PCDH11X: variants seen among roughly 807,000 people sequenced by gnomAD.
PCDH11X encodes protocadherin 11 X-linked, also known as protocadherin-11 X-linked.
In PCDH11X, 18 loss-of-function variants were observed where a neutral mutation model predicts 53.3. That is an observed-to-expected ratio of 0.34 (90% CI 0.23 to 0.50). The LOEUF (loss-of-function observed/expected upper bound fraction) is 0.50. PCDH11X is among the 20% of genes least tolerant of loss of function. The pLI is 0.98. For missense variants in PCDH11X, 570 were observed against 1,032.4 expected (o/e 0.55, Z 6.14); for synonymous variants, 279 against 393.3 (o/e 0.71, Z 3.44).
At chrX:92,095,038 A>G (rs1229377724) in intron 6 of PCDH11X, among the ~76,000 whole-genome samples, 1 of 111,208 alleles carries the variant, frequency 9.0e-6, no homozygotes, top group East Asian at 2.8e-4. Context: ...CGGAGCAACA[A>G]GTGAATTCTG....
rs371358818 is a variant in PCDH11X, at chrX:92,020,411, C to A, written c.3033+141138C>A. ...AAGAGGTATCCCCCACAGCCCAACA[C>A]ACCAGTTGTGGCAGACTGCGGCCAG... is the stretch of plus-strand genomic sequence containing the variant. On this transcript the variant is annotated intron_variant, in intron 6 of 10. Transcript: ENST00000682573. 3.7e-4 allele frequency among the ~76,000 whole-genome samples: 41 copies of A among 112,193 alleles called. 1 individual carries two copies. In the East Asian group the frequency reaches 9.2e-3, roughly 25 times the overall value.
rs958903771 is a variant in PCDH11X at position 92,483,030 on chromosome X, A to G, written c.3367+14708A>G. On this transcript the variant is annotated intron_variant, in intron 10 of 10. Coordinates refer to ENST00000682573, the MANE Select transcript of PCDH11X (RefSeq NM_032968.5). The stretch of plus-strand genomic sequence containing the variant: ...TTTGATACATTTTAGTGTATGAGGT[A>G]TTTCAAGGAAAGATGTGAAACATGT... 8.6e-4 allele frequency among the ~76,000 whole-genome samples: 92 copies of G among 107,261 alleles called. 1 individual carries two copies. Among genetic ancestry groups the G allele is most frequent in the Non-Finnish European group, 2.9e-4 (15 of 51,665 alleles). The allele number at this position is 107,261 out of a possible 115,157, so 93.1% of individuals were successfully genotyped here.
At chrX:91,882,146 T>C (rs1407081453) in intron 6 of PCDH11X, among the ~76,000 whole-genome samples, 9 of 111,165 alleles carry the variant, frequency 8.1e-5, no homozygotes, top group Non-Finnish European at 1.7e-4. Flanking sequence ...AGTACATATA[T>C]TGCATAAAGC....
intron 6 of PCDH11X, among the ~76,000 whole-genome samples, chrX:91,923,003 A>G (rs1428960596): frequency 9.0e-6 from 1 of 110,643 alleles, no homozygotes; most frequent in Non-Finnish European, 1.9e-5. Context: ...CAAGTTCTTG[A>G]ATTAATAAAA....
chrX:91,886,702 T>A (rs1239056060), intron 6 of PCDH11X, among the ~76,000 whole-genome samples: 1 of 109,745 alleles, frequency 9.1e-6, no homozygotes, highest in Non-Finnish European at 1.9e-5. Flanking sequence ...CCGGGCGCGG[T>A]GGCTCATGCC....
At chrX:92,378,037 A>G (rs1015416264) in intron 8 of PCDH11X, among the ~76,000 whole-genome samples, 1 of 108,795 alleles carries the variant, frequency 9.2e-6, no homozygotes, top group African/African-American at 3.3e-5. Flanking sequence ...AATTGTAATC[A>G]TGATTTCTCT....
intron 8 of PCDH11X, among the ~76,000 whole-genome samples, chrX:92,384,025 G>A (rs1195468176): frequency 8.9e-6 from 1 of 111,946 alleles, no homozygotes; most frequent in African/African-American, 3.3e-5. Context: ...ATTCTAACTG[G>A]TGTGAGATGA....
intron 9 of PCDH11X, among the ~76,000 whole-genome samples, chrX:92,420,133 G>A (rs191617946): frequency 3.6e-5 from 4 of 111,321 alleles, no homozygotes; most frequent in African/African-American, 1.3e-4. Context: ...AGTTTACTCA[G>A]AGTTATATTT....
At chrX:91,904,440 T>C (rs887541309) in intron 6 of PCDH11X, among the ~76,000 whole-genome samples, 20 of 110,585 alleles carry the variant, frequency 1.8e-4, no homozygotes, top group Admixed American at 1.6e-3. Context: ...TATAATTCAA[T>C]TTGGATATTA....
intron 10 of PCDH11X, among the ~76,000 whole-genome samples, chrX:92,496,629 G>A (rs2073864973): frequency 2.9e-5 from 3 of 104,945 alleles, no homozygotes; most frequent in African/African-American, 7.4e-5. Flanking sequence ...TATGGAATAT[G>A]GCAAAACCAA....
chrX:92,331,285 C>CTTCTTCTTCTTCTTCTTCTTCTTCTTA, intron 8 of PCDH11X, among the ~76,000 whole-genome samples: 2 of 72,332 alleles, frequency 2.8e-5, no homozygotes, highest in Non-Finnish European at 5.2e-5. Context: ...CCTCTTTCTT[C>CTTCTTCTTCTTCTTCTTCTTCTTCTTA]TTCTTCTTCT....
chrX:92,345,889 GT>G (rs142226516), intron 8 of PCDH11X, among the ~76,000 whole-genome samples: 15,675 of 99,055 alleles, frequency 0.16, 991 homozygotes, highest in Middle Eastern at 0.23. Context: ...GTTAGTACCT[GT>G]TTTTTTTTTT....
intron 6 of PCDH11X, among the ~76,000 whole-genome samples, chrX:92,174,674 G>A (rs1377649921): frequency 1.8e-5 from 2 of 111,544 alleles, no homozygotes; most frequent in East Asian, 5.6e-4. Context: ...GATAACGTCC[G>A]CTAAATGTAG....
chrX:92,457,094 A>G (rs1000924220), intron 9 of PCDH11X, among the ~76,000 whole-genome samples: 1 of 109,599 alleles, frequency 9.1e-6, no homozygotes, highest in Non-Finnish European at 1.9e-5. Flanking sequence ...ATATCAAGCA[A>G]ACGGATTTGA....
chrX:92,387,946 T>C lies in PCDH11X; in HGVS notation c.3343+13T>C, dbSNP rs375352211. 24 of 1,202,050 alleles carry C rather than the reference T, an allele frequency of 2.0e-5. No homozygotes were observed. Among genetic ancestry groups the C allele is most frequent in the Middle Eastern group, 2.3e-4 (1 of 4,261 alleles). On this transcript the variant is annotated intron_variant, in intron 9 of 10. Coordinates refer to ENST00000682573, the MANE Select transcript of PCDH11X (RefSeq NM_032968.5). Reference sequence around the variant, plus strand: ...GATCCTGAATCTAGTAAGTGATACCTCTCTGGTTCCTCAATATAAACGGGC... The same window carrying C: ...GATCCTGAATCTAGTAAGTGATACCCCTCTGGTTCCTCAATATAAACGGGC...
chrX:92,561,552 G>T (rs2075131446), intron 10 of PCDH11X, among the ~76,000 whole-genome samples: 1 of 96,349 alleles, frequency 1.0e-5, no homozygotes, highest in Non-Finnish European at 2.1e-5. Flanking sequence ...AATGCATCAA[G>T]CAGAAGAAAG....
chrX:92,167,870 G>A (rs1197162674), intron 6 of PCDH11X, among the ~76,000 whole-genome samples: 2 of 111,246 alleles, frequency 1.8e-5, no homozygotes, highest in East Asian at 5.7e-4. Flanking sequence ...GTCCTGATTG[G>A]GATGATTGTT....
intron 5 of PCDH11X, among the ~76,000 whole-genome samples, chrX:91,847,165 G>A (rs1937724618): frequency 1.8e-5 from 2 of 110,192 alleles, no homozygotes; most frequent in Admixed American, 1.9e-4. Context: ...GTGTGTGTGT[G>A]TATTATAGAG....
rs974807501 is a variant in PCDH11X at position 91,995,874 on chromosome X, G to A, written c.3033+116601G>A. ...TTTGTTTTTTTTTTTTTTTGAGGCCGAGTCTCGCTCTGTCATCCAGGCTGG... is the reference window on the plus strand; with the variant it reads ...TTTGTTTTTTTTTTTTTTTGAGGCCAAGTCTCGCTCTGTCATCCAGGCTGG... On this transcript the variant is annotated intron_variant, in intron 6 of 10. Transcript: ENST00000682573. Among the ~76,000 whole-genome samples, 14 of 98,718 alleles carry A rather than the reference G, an allele frequency of 1.4e-4. No homozygotes were observed. In the East Asian group the frequency reaches 1.9e-3, roughly 13 times the overall value. The allele number at this position is 98,718 out of a possible 115,157, so 85.7% of individuals were successfully genotyped here.
Sources: gnomAD v4.1 joint callset for allele counts (sites outside exome capture counted in the v4.1 genomes callset) on GRCh38, gnomAD v4.1.1 for gene constraint, MANE v1.5 for transcripts, NCBI Gene and HGNC (gene_info 2026-07-23, HGNC 2026-07-21) for gene names.